Variants in AKIRIN2 observed in about 807,000 individuals in gnomAD.
The protein encoded by AKIRIN2 is akirin-2.
A neutral mutation model predicts 29.3 loss-of-function variants in AKIRIN2; 6 were observed. That is an observed-to-expected ratio of 0.20 (90% CI 0.11 to 0.40). The LOEUF is 0.40. Ranked by LOEUF, AKIRIN2 falls within the 10% of genes least tolerant of loss-of-function variation. The pLI, the probability that AKIRIN2 is intolerant of heterozygous loss-of-function variation, is 1.00. For missense variants in AKIRIN2, 210 were observed against 276.1 expected, an observed-to-expected ratio of 0.76 and a Z score of 1.70; for synonymous variants, 128 against 117.5, an observed-to-expected ratio of 1.09 and a Z score of -0.58.
At chr6:87,683,714 C>T (rs937854259) in intron 1 of AKIRIN2, among the ~76,000 whole-genome samples, 5 of 152,078 alleles carry the variant, frequency 3.3e-5, no homozygotes, top group African/African-American at 7.2e-5. Flanking sequence ...AGTGCAGTGG[C>T]GTGATCTCAG....
chr6:87,693,727 A>G (rs1289661799), intron 1 of AKIRIN2, among the ~76,000 whole-genome samples: 1 of 150,796 alleles, frequency 6.6e-6, no homozygotes, highest in Non-Finnish European at 1.5e-5. Context: ...TCTGTCTCAA[A>G]AAAAAAAAAA....
chr6:87,688,966 C>T (rs1001991995), intron 1 of AKIRIN2, among the ~76,000 whole-genome samples: 8 of 152,192 alleles, frequency 5.3e-5, no homozygotes, highest in Non-Finnish European at 1.2e-4. Flanking sequence ...GTAGCACTAG[C>T]TATACAGTAC....
In AKIRIN2 at chr6:87,684,135, C is replaced by T. The variant is rs186294178; in HGVS notation, c.236-2372G>A. ...ATTTATCTTTTGTGTGACTTATATA[C>T]GTTCTTTTATCACCACATAGCTGTT... On this transcript the variant is annotated intron_variant, in intron 1 of 4. Transcript: ENST00000257787. Among the ~76,000 whole-genome samples the T allele has an allele frequency of 5.7e-3, 869 of 152,216 alleles. 8 individuals are homozygous for T. Among genetic ancestry groups the T allele is most frequent in the South Asian group, 0.011 (55 of 4,824 alleles).
At position 87,701,440 on chromosome 6, in the gene AKIRIN2, C is replaced by T. The variant is rs915039765; in HGVS notation, c.235+10G>A. On this transcript the variant is annotated intron_variant, in intron 1 of 4. Coordinates refer to ENST00000257787, the MANE Select transcript of AKIRIN2 (RefSeq NM_018064.4). ...TCCACTACCCCGGCGGCCGCGGGGC[C>T]GGGTCCCACCTGTGGTGAGGCGGGA... 6 of 1,531,162 alleles carry T rather than the reference C, an allele frequency of 3.9e-6. No homozygotes were observed. Among genetic ancestry groups the T allele is most frequent in the Middle Eastern group, 2.2e-4 (1 of 4,550 alleles). The allele number at this position is 1,531,162 out of a possible 1,614,324, so 94.8% of individuals were successfully genotyped here. A position where few individuals can be genotyped will look rare whatever the true frequency, so the allele number is the denominator to read the frequency against.
intron 1 of AKIRIN2, among the ~76,000 whole-genome samples, chr6:87,690,087 C>A (rs778524910): frequency 2.6e-5 from 4 of 151,934 alleles, no homozygotes; most frequent in Non-Finnish European, 4.4e-5. Context: ...GTGGCAGGAG[C>A]CTGTAATCCC....
chr6:87,697,307 G>GAA (rs985898940), intron 1 of AKIRIN2, among the ~76,000 whole-genome samples: 2,158 of 71,570 alleles, frequency 0.03, 68 homozygotes, highest in African/African-American at 0.091. Context: ...TTTGTCTCAA[G>GAA]AAAAAAAAAA....
chr6:87,680,175 A>G (rs1356267403), intron 2 of AKIRIN2, among the ~76,000 whole-genome samples: 1 of 151,688 alleles, frequency 6.6e-6, no homozygotes, highest in Non-Finnish European at 1.5e-5. Flanking sequence ...CCTCACCTCT[A>G]TGTTTCAACC....
At chr6:87,688,808 TCCAAAAC>T (rs927708927) in intron 1 of AKIRIN2, among the ~76,000 whole-genome samples, 9 of 152,006 alleles carry the variant, frequency 5.9e-5, no homozygotes, top group African/African-American at 2.2e-4. Flanking sequence ...CTGCCCCAAA[TCCAAAAC>T]CCAACATGTG....
chr6:87,697,445 A>G (rs1053086502), intron 1 of AKIRIN2, among the ~76,000 whole-genome samples: 10 of 152,232 alleles, frequency 6.6e-5, no homozygotes, highest in Non-Finnish European at 1.3e-4. Context: ...CCTAAATAGA[A>G]TATCAGGTTT....
In AKIRIN2 at chr6:87,675,957, AC is replaced by A. The variant is rs1280513906; in HGVS notation, c.530-27del. On this transcript the variant is annotated intron_variant, in intron 3 of 4. Transcript: ENST00000257787. ...CTATAAATAAAGGTACTTGTCAATT[AC>A]ATTTGTAAAATGCCTTATTAGAGCC... is the stretch of plus-strand genomic sequence containing the variant. 3 of 1,587,348 alleles carry A rather than the reference AC, an allele frequency of 1.9e-6. No homozygotes were observed. The South Asian group carries it at 3.4e-5, about 18-fold the overall frequency.
In AKIRIN2 at chr6:87,675,527, T is replaced by C. The variant is rs1435989679; in HGVS notation, c.*70A>G. ...CAGAAGGGGTATTGGCATTGCTGCA[T>C]GTCATAATTGGGACCTCTTGCAACA... is the stretch of plus-strand genomic sequence containing the variant. On this transcript the variant is annotated 3_prime_UTR_variant, in exon 5 of 5. Transcript: ENST00000257787. 1 of 1,581,608 alleles carries C rather than the reference T, an allele frequency of 6.3e-7. No individual in the cohort carries two copies. Among genetic ancestry groups the C allele is most frequent in the Non-Finnish European group, 8.7e-7 (1 of 1,150,736 alleles).
chr6:87,684,628 A>G (rs1295747592), intron 1 of AKIRIN2, among the ~76,000 whole-genome samples: 1 of 152,212 alleles, frequency 6.6e-6, no homozygotes, highest in East Asian at 1.9e-4. Flanking sequence ...TAGAATCATA[A>G]AGAGTGTAGA....
intron 1 of AKIRIN2, among the ~76,000 whole-genome samples, chr6:87,688,428 G>GC (rs1771225257): frequency 3.3e-5 from 5 of 151,682 alleles, no homozygotes; most frequent in Admixed American, 3.3e-4. Flanking sequence ...ATCGTGCCTG[G>GC]CAAGACCGTG....
At chr6:87,687,347 A>G (rs1771203991) in intron 1 of AKIRIN2, among the ~76,000 whole-genome samples, 1 of 150,098 alleles carries the variant, frequency 6.7e-6, no homozygotes, top group African/African-American at 2.5e-5. Context: ...GTTCGAGACC[A>G]GCCTGACCAA....
chr6:87,677,790 C>T (rs1672606506), intron 3 of AKIRIN2, 28 bp downstream of exon 3: 2 of 1,602,802 alleles, frequency 1.2e-6, no homozygotes, highest in Non-Finnish European at 1.7e-6. Context: ...CTGAGTTCCT[C>T]AGAAACTCTA....
chr6:87,686,771 C>A (rs573892539), intron 1 of AKIRIN2, among the ~76,000 whole-genome samples: 1 of 151,976 alleles, frequency 6.6e-6, no homozygotes, highest in African/African-American at 2.4e-5. Flanking sequence ...TGTGGCCGGG[C>A]GCGGTAGTTC....
In AKIRIN2 at chr6:87,701,632, C is replaced by A; in HGVS notation, c.53G>T (p.Ser18Ile). Residue 18 changes from serine to isoleucine, a missense_variant, in exon 1 of 5, where the codon AGC (serine) becomes ATC (isoleucine). By Grantham distance (142) the Ser-to-Ile change is moderately radical. This residue lies in a region of AKIRIN2 where 199 missense variants were observed against 236.5 expected (regional missense o/e 0.84). Coordinates refer to ENST00000257787, the MANE Select transcript of AKIRIN2 (RefSeq NM_018064.4). ...TCGCCTGCGCTTCGGGGACGCCGGG[C>A]TCAACAGCGGGTCGAAATCCAGAGT... is the stretch of plus-strand genomic sequence containing the variant. ...KRTLDFDPLLSPASPKRRRCA... is the reference protein window; with the variant it reads ...KRTLDFDPLLIPASPKRRRCA... The A allele has an allele frequency of 6.8e-7, 1 of 1,464,080 alleles. No individual in the cohort carries two copies. The highest frequency in any genetic ancestry group is 1.4e-5 in the South Asian group (1 of 69,564). The allele number at this position is 1,464,080 out of a possible 1,614,324, so 90.7% of individuals were successfully genotyped here.
In AKIRIN2 at chr6:87,686,802, T is replaced by G. The variant is rs563466606; in HGVS notation, c.236-5039A>C. Among the ~76,000 whole-genome samples, 4 of 152,122 alleles carry G rather than the reference T, an allele frequency of 2.6e-5. No homozygotes were observed. In the East Asian group the frequency reaches 7.7e-4, roughly 29 times the overall value. On this transcript the variant is annotated intron_variant, in intron 1 of 4. Coordinates refer to ENST00000257787, the MANE Select transcript of AKIRIN2 (RefSeq NM_018064.4). ...AGTTCATGCCTGTAATCCCAGCACTTTGGAAGGCCAAGGCAGGCGGATCAC... is the reference window on the plus strand; with the variant it reads ...AGTTCATGCCTGTAATCCCAGCACTGTGGAAGGCCAAGGCAGGCGGATCAC...
rs1464502643 is a variant in AKIRIN2, at chr6:87,701,460, G to C, written c.225C>G (p.Arg75=). 6.6e-7 allele frequency: 1 copy of C among 1,524,852 alleles called. No individual in the cohort carries two copies. The highest frequency in any genetic ancestry group is 8.8e-7 in the Non-Finnish European group (1 of 1,139,048). 94.5% of individuals were successfully genotyped at this position (1,524,852 alleles called of 1,614,324 possible). The part of the protein sequence containing the change: ...EPSPFGDVSS[R]LTTEQILYNI... ...GGGGCCGGGTCCCACCTGTGGTGAGGCGGGAGGAGACGTCGCCGAAGGGGG... is the reference window on the plus strand; with the variant it reads ...GGGGCCGGGTCCCACCTGTGGTGAGCCGGGAGGAGACGTCGCCGAAGGGGG... The change falls in exon 1 of 5, where the codon CGC becomes CGG. Residue 75 remains arginine (R), a synonymous_variant. Coordinates refer to ENST00000257787, the MANE Select transcript of AKIRIN2 (RefSeq NM_018064.4).
Sources: allele counts gnomAD v4.1 joint callset (sites outside exome capture counted in the v4.1 genomes callset), GRCh38; gene constraint gnomAD v4.1.1; regional missense constraint gnomAD v4.1.1; transcripts MANE v1.5; gene names NCBI Gene and HGNC (gene_info 2026-07-23, HGNC 2026-07-21).